The following CLPX variants were observed in gnomAD, a reference collection of about 807,000 sequenced individuals.
The protein encoded by CLPX is caseinolytic mitochondrial matrix peptidase chaperone subunit X, also known as ATP-dependent clpX-like chaperone, mitochondrial.
A neutral mutation model predicts 76.4 loss-of-function variants in CLPX; 34 were observed. The observed-to-expected ratio is 0.45, with a 90% CI of 0.34 to 0.59. The LOEUF (loss-of-function observed/expected upper bound fraction) is 0.59. CLPX is among the 20% of genes least tolerant of loss of function. CLPX has a pLI of 0.01. For missense variants in CLPX, 613 were observed against 757.0 expected (o/e 0.81, Z 2.23); for synonymous variants, 248 against 270.9 (o/e 0.92, Z 0.83).
intron 6 of CLPX, among the ~76,000 whole-genome samples, chr15:65,160,015 G>T (rs2087833595): frequency 6.6e-6 from 1 of 152,028 alleles, no homozygotes; most frequent in Non-Finnish European, 1.5e-5. Context: ...GTTTTGCCAT[G>T]TTGCCCAGGC....
chr15:65,168,983 G>A lies in CLPX; in HGVS notation c.359-2198C>T, dbSNP rs1187317712. 2.0e-5 allele frequency among the ~76,000 whole-genome samples: 3 copies of A among 149,328 alleles called. No homozygotes were observed. The East Asian group carries it at 5.9e-4, about 29-fold the overall frequency. On this transcript the variant is annotated intron_variant, in intron 3 of 13. Coordinates refer to ENST00000300107, the MANE Select transcript of CLPX (RefSeq NM_006660.5). ...GCAATCCTCCCACCTCAGCCTCCCT[G>A]AGTATCCAGGACTACAGGCACACGC...
At chr15:65,163,203 G>T (rs1321906765) in intron 5 of CLPX, among the ~76,000 whole-genome samples, 1 of 152,068 alleles carries the variant, frequency 6.6e-6, no homozygotes, top group African/African-American at 2.4e-5. Flanking sequence ...GACAGAGAGA[G>T]ACCTTGTCTT....
chr15:65,177,218 G>A (rs558954212), intron 3 of CLPX, among the ~76,000 whole-genome samples: 10 of 151,882 alleles, frequency 6.6e-5, no homozygotes, highest in Admixed American at 2.0e-4. Flanking sequence ...TCAGATGCAC[G>A]CCACCACGCC....
chr15:65,157,563 G>A (rs1034195157), intron 8 of CLPX, among the ~76,000 whole-genome samples, 183 bp downstream of exon 8: 5 of 152,184 alleles, frequency 3.3e-5, no homozygotes, highest in Non-Finnish European at 7.3e-5. Context: ...CCAGCTTAGT[G>A]ACAATAAGGC....
At chr15:65,181,205 A>C (rs2088165268) in intron 1 of CLPX, among the ~76,000 whole-genome samples, 1 of 152,048 alleles carries the variant, frequency 6.6e-6, no homozygotes, top group Non-Finnish European at 1.5e-5. Flanking sequence ...TCTCAAAAAA[A>C]AAAAAAGTTC....
intron 13 of CLPX, among the ~76,000 whole-genome samples, chr15:65,151,707 A>G (rs1333886587): frequency 6.6e-6 from 1 of 152,200 alleles, no homozygotes; most frequent in Non-Finnish European, 1.5e-5. Context: ...AAAAGATTAT[A>G]TCTCTCTGGA....
At chr15:65,183,611 TC>T (rs2088212511) in intron 1 of CLPX, among the ~76,000 whole-genome samples, 4 of 151,054 alleles carry the variant, frequency 2.6e-5, no homozygotes, top group Middle Eastern at 3.5e-3. Context: ...AAGAAAACAG[TC>T]GTTTTGAAAA....
intron 6 of CLPX, among the ~76,000 whole-genome samples, chr15:65,160,623 T>TCACACACATACA (rs1555412760): frequency 2.0e-5 from 2 of 101,026 alleles, no homozygotes; most frequent in African/African-American, 7.5e-5. Flanking sequence ...TCTCTCTCTC[T>TCACACACATACA]CACACACACA....
intron 2 of CLPX, among the ~76,000 whole-genome samples, chr15:65,179,503 C>A (rs1482076530): frequency 6.6e-6 from 1 of 152,154 alleles, no homozygotes; most frequent in Non-Finnish European, 1.5e-5. Flanking sequence ...AAGTGTCTCA[C>A]ATTTTGTCTA....
At position 65,158,737 on chromosome 15, in the gene CLPX, C is replaced by A; in HGVS notation, c.730G>T (p.Ala244Ser). 1.3e-6 allele frequency: 2 copies of A among 1,576,760 alleles called. No individual in the cohort carries two copies. The highest frequency in any genetic ancestry group is 1.7e-6 in the Non-Finnish European group (2 of 1,162,238). ...EYRFTKLLQI[A>S]GISPHGNALG... The stretch of plus-strand genomic sequence containing the variant: ...GCATTACCATGTGGGCTAATTCCAG[C>A]AATCTGAAGCAATTCTGAAAAAAAT... The change falls in exon 7 of 14, where the codon GCT (alanine) becomes TCT (serine). Residue 244 changes from alanine (A) to serine (S), a missense_variant. Coordinates refer to ENST00000300107, the MANE Select transcript of CLPX (RefSeq NM_006660.5).
At chr15:65,158,819 A>T in intron 6 of CLPX, 68 bp from the exon 7 acceptor site, 1 of 1,319,482 alleles carries the variant, frequency 7.6e-7, no homozygotes, top group South Asian at 1.5e-5. Flanking sequence ...GTCCCATAAA[A>T]ACTTTTATCT....
chr15:65,166,519 C>G, intron 4 of CLPX, 112 bp downstream of exon 4: 1 of 1,135,624 alleles, frequency 8.8e-7, no homozygotes, highest in Non-Finnish European at 1.3e-6. Flanking sequence ...TATTATGAAC[C>G]TATAATACTT....
In CLPX at chr15:65,166,697, T is replaced by C. The variant is rs1479063648; in HGVS notation, c.447A>G (p.Glu149=). 1.2e-6 allele frequency: 2 copies of C among 1,614,136 alleles called. No individual in the cohort carries two copies. The highest frequency in any genetic ancestry group is 2.2e-5 in the East Asian group (1 of 44,870). ...TTACAGCTTCTGCTGCTGATTCAGG[T>C]TCTTTAATTATGCTTTTCTTTGAGT... ...EADSKKSIIK[E]PESAAEAVKL... Residue 149 remains glutamate (E), a synonymous_variant, in exon 4 of 14, where the codon GAA becomes GAG. Coordinates refer to ENST00000300107, the MANE Select transcript of CLPX (RefSeq NM_006660.5).
intron 1 of CLPX, among the ~76,000 whole-genome samples, chr15:65,182,972 G>A (rs1383181720): frequency 6.6e-6 from 1 of 150,786 alleles, no homozygotes; most frequent in Non-Finnish European, 1.5e-5. Flanking sequence ...AGTCCAGCCT[G>A]ACGAACATGG....
chr15:65,165,546 G>A (rs1166794271), intron 4 of CLPX, among the ~76,000 whole-genome samples: 1 of 151,804 alleles, frequency 6.6e-6, no homozygotes, highest in Non-Finnish European at 1.5e-5. Context: ...ACCACGCCGG[G>A]CTAATTTTTT....
At chr15:65,165,375 ATTTTT>A (rs34678725) in intron 4 of CLPX, among the ~76,000 whole-genome samples, 2 of 69,162 alleles carry the variant, frequency 2.9e-5, no homozygotes, top group Non-Finnish European at 5.3e-5. Flanking sequence ...AACTGCCTGG[ATTTTT>A]TTTTTTTTTT....
Position 65,157,780 on chromosome 15 carries a change from T to C in CLPX, c.1023A>G (p.Gln341=), listed in dbSNP as rs1396723268. ...DIESVIAKLL[Q]DANYNVEKAQ... is the part of the protein sequence containing the mutation. ...CTTTTTCCACATTATAATTGGCATC[T>C]TGGAGTAGTTTTGCAATCACAGATT... Residue 341 remains glutamine (Q), a synonymous_variant, in exon 8 of 14, where the codon CAA becomes CAG. Transcript: ENST00000300107. 3 of 1,613,696 alleles carry C rather than the reference T, an allele frequency of 1.9e-6. No individual in the cohort carries two copies. Among genetic ancestry groups the C allele is most frequent in the African/African-American group, 1.3e-5 (1 of 74,908 alleles).
intron 6 of CLPX, among the ~76,000 whole-genome samples, chr15:65,161,829 T>C (rs1341342142): frequency 1.3e-5 from 2 of 152,068 alleles, no homozygotes; most frequent in African/African-American, 2.4e-5. Flanking sequence ...TTCTATAAAT[T>C]TAAAAATAAC....
chr15:65,169,431 G>A (rs981413179), intron 3 of CLPX, among the ~76,000 whole-genome samples: 1 of 152,028 alleles, frequency 6.6e-6, no homozygotes, highest in African/African-American at 2.4e-5. Flanking sequence ...ATGGTTATAG[G>A]ATGTTGGCGG....
Sources: gnomAD v4.1 joint callset for allele counts (sites outside exome capture counted in the v4.1 genomes callset) on GRCh38, gnomAD v4.1.1 for gene constraint, MANE v1.5 for transcripts, NCBI Gene and HGNC (gene_info 2026-07-23, HGNC 2026-07-21) for gene names.